FRMD4A: variants seen among roughly 807,000 people sequenced by gnomAD.
FRMD4A encodes the protein FERM domain containing 4A.
A neutral mutation model predicts 129.1 loss-of-function variants in FRMD4A; 29 were observed. The observed-to-expected ratio is 0.22, with a 90% confidence interval of 0.17 to 0.31. The LOEUF is 0.31. FRMD4A is among the 10% of genes least tolerant of loss of function. The pLI is 1.00. For missense variants in FRMD4A, 1,272 were observed against 1,375.8 expected, an observed-to-expected ratio of 0.92 and a Z score of 1.19; for synonymous variants, 634 against 571.6, an observed-to-expected ratio of 1.11 and a Z score of -1.56.
intron 2 of FRMD4A, among the ~76,000 whole-genome samples, chr10:14,102,841 T>A (rs1837381276): frequency 6.6e-6 from 1 of 151,780 alleles, no homozygotes; most frequent in Non-Finnish European, 1.5e-5. Context: ...TGGCATGTAG[T>A]CCTTAAAGAG....
chr10:13,912,202 G>T (rs542111181), intron 2 of FRMD4A, among the ~76,000 whole-genome samples: 1 of 152,284 alleles, frequency 6.6e-6, no homozygotes, highest in South Asian at 2.1e-4. Flanking sequence ...TAAACAATGA[G>T]ACTAAAAAGC....
chr10:13,854,062 G>A (rs2094179896), intron 3 of FRMD4A, among the ~76,000 whole-genome samples: 1 of 151,990 alleles, frequency 6.6e-6, no homozygotes, highest in African/African-American at 2.4e-5. Context: ...TTCCATTCTA[G>A]TGAAAATCCA....
At chr10:13,737,718 C>T in intron 12 of FRMD4A, 126 bp downstream of exon 12, 1 of 624,342 alleles carries the variant, frequency 1.6e-6, no homozygotes, top group South Asian at 2.0e-5. Context: ...AATTTGTATA[C>T]ACTAAAATTA....
At chr10:13,917,329 C>T (rs1178448800) in intron 2 of FRMD4A, among the ~76,000 whole-genome samples, 1 of 143,014 alleles carries the variant, frequency 7.0e-6, no homozygotes, top group African/African-American at 2.6e-5. Flanking sequence ...GTCGCCCAGT[C>T]TGGAGTACAG....
At chr10:13,661,927 C>T (rs891217968) in intron 19 of FRMD4A, among the ~76,000 whole-genome samples, 2 of 152,160 alleles carry the variant, frequency 1.3e-5, no homozygotes, top group African/African-American at 2.4e-5. Flanking sequence ...TCCTCCTTTG[C>T]CCTCAAATCA....
At chr10:14,203,435 T>G (rs957072557) in intron 2 of FRMD4A, among the ~76,000 whole-genome samples, 2 of 152,168 alleles carry the variant, frequency 1.3e-5, no homozygotes, top group African/African-American at 4.8e-5. Flanking sequence ...CAATGAACAT[T>G]TGACTGAAGA....
At chr10:14,040,120 G>C (rs528827555) in intron 2 of FRMD4A, among the ~76,000 whole-genome samples, 2 of 152,258 alleles carry the variant, frequency 1.3e-5, no homozygotes, top group South Asian at 4.2e-4. Context: ...CAGGAACAGA[G>C]AGGTTAAGTC....
chr10:13,941,562 C>T (rs2095292766), intron 2 of FRMD4A, among the ~76,000 whole-genome samples: 1 of 152,162 alleles, frequency 6.6e-6, no homozygotes, highest in African/African-American at 2.4e-5. Context: ...AGAGAAGAGT[C>T]TCAGATCGTA....
chr10:13,654,422 T>G lies in FRMD4A; in HGVS notation c.3044A>C (p.Gln1015Pro). ...ACATAGAAGGAGAACTCACCCAGTC[T>G]GCCAGGTTAGGATGTGGTGGGGGCT... ...PSSPHHILTW[Q>P]TGEATENSPI... Residue 1015 changes from glutamine (Q) to proline (P), a missense_variant, in exon 23 of 25, where the codon CAG becomes CCG. Transcript: ENST00000357447. 2 of 1,600,456 alleles carry G rather than the reference T, an allele frequency of 1.2e-6. No individual in the cohort carries two copies. The highest frequency in any genetic ancestry group is 2.2e-5 in the South Asian group (2 of 90,826).
chr10:14,049,222 A>T (rs1039281151), intron 2 of FRMD4A, among the ~76,000 whole-genome samples: 1 of 151,358 alleles, frequency 6.6e-6, no homozygotes, highest in African/African-American at 2.5e-5. Flanking sequence ...ATAAAAATGA[A>T]GATGGTAATA....
At chr10:14,245,554 C>G (rs959436983) in intron 2 of FRMD4A, among the ~76,000 whole-genome samples, 1 of 152,084 alleles carries the variant, frequency 6.6e-6, no homozygotes, top group Non-Finnish European at 1.5e-5. Flanking sequence ...TTCTAATCCC[C>G]GCTACCTCAG....
chr10:13,764,140 C>A (rs889713292), intron 6 of FRMD4A, among the ~76,000 whole-genome samples: 1 of 151,650 alleles, frequency 6.6e-6, no homozygotes, highest in African/African-American at 2.4e-5. Context: ...GATACCATTA[C>A]CACAACCAAG....
intron 2 of FRMD4A, among the ~76,000 whole-genome samples, chr10:14,237,815 G>C (rs1203018046): frequency 6.6e-6 from 1 of 152,148 alleles, no homozygotes; most frequent in Non-Finnish European, 1.5e-5. Context: ...ATTTATTCTG[G>C]GTCTACGGAA....
intron 13 of FRMD4A, 147 bp from the exon 14 acceptor site, chr10:13,701,625 A>G: frequency 1.5e-6 from 1 of 658,766 alleles, no homozygotes; most frequent in South Asian, 1.9e-5. Flanking sequence ...CTAGGCGTAC[A>G]CACACACACA....
At chr10:14,029,530 T>A (rs1010521317) in intron 2 of FRMD4A, among the ~76,000 whole-genome samples, 2 of 152,192 alleles carry the variant, frequency 1.3e-5, no homozygotes, top group Admixed American at 1.3e-4. Context: ...ATATACAAAA[T>A]GTGTTCCTTG....
At position 13,657,143 on chromosome 10, in the gene FRMD4A, C is replaced by T; in HGVS notation, c.2446G>A (p.Ala816Thr). 1.4e-6 allele frequency: 2 copies of T among 1,446,976 alleles called. No homozygotes were observed. Among genetic ancestry groups the T allele is most frequent in the East Asian group, 2.9e-5 (1 of 34,688 alleles). 89.6% of individuals were successfully genotyped at this position (1,446,976 alleles called of 1,614,324 possible). A position where few individuals can be genotyped will look rare whatever the true frequency, so the allele number is the denominator to read the frequency against. The change falls in exon 22 of 25, where the codon GCG becomes ACG. Residue 816 changes from alanine (A) to threonine (T), a missense_variant. Ala to Thr is a moderately conservative substitution (Grantham distance 58, BLOSUM62 0). Transcript: ENST00000357447. ...ARGGAGGAGG[A>T]GGGVYLHSQS... ...CTGTGCAGGTACACACCGCCCCCCG[C>T]GCCCCCCGCGCCCCCCGCACCCCCG...
At chr10:13,767,049 G>C (rs2092309678) in intron 6 of FRMD4A, among the ~76,000 whole-genome samples, 1 of 152,118 alleles carries the variant, frequency 6.6e-6, no homozygotes, top group African/African-American at 2.4e-5. Context: ...CTCCAGCCTG[G>C]TGACAGAGTG....
chr10:13,655,970 C>G (rs2082108056), intron 22 of FRMD4A: 2 of 151,662 alleles, frequency 1.3e-5, no homozygotes, highest in South Asian at 4.2e-4. Flanking sequence ...TTACTTGATT[C>G]AATACCGCCC....
intron 2 of FRMD4A, among the ~76,000 whole-genome samples, chr10:14,110,629 TAACAAAACAAAACAA>T (rs141263753): frequency 1.3e-5 from 2 of 150,562 alleles, no homozygotes; most frequent in African/African-American, 4.9e-5. Flanking sequence ...GCTTTCTTGC[TAACAAAACAAAACAA>T]AACAAAACAA....
Sources: gnomAD v4.1 joint callset for allele counts (sites outside exome capture counted in the v4.1 genomes callset) on GRCh38, gnomAD v4.1.1 for gene constraint, MANE v1.5 for transcripts, NCBI Gene and HGNC (gene_info 2026-07-23, HGNC 2026-07-21) for gene names.